OFD1: variants seen among roughly 807,000 people sequenced by gnomAD.
OFD1 encodes the protein OFD1 centriole and centriolar satellite protein, also known as centriole and centriolar satellite protein OFD1.
In OFD1, 12 loss-of-function variants were observed where a neutral mutation model predicts 81.4. The ratio of observed to expected loss-of-function variants is 0.15; its 90% CI spans 0.09 to 0.24. The LOEUF (loss-of-function observed/expected upper bound fraction) is 0.24. OFD1 is among the 10% of genes least tolerant of loss of function. The pLI, the probability that OFD1 is intolerant of heterozygous loss-of-function variation, is 1.00. For missense variants in OFD1, 685 were observed against 733.9 expected (o/e 0.93, Z 0.77); for synonymous variants, 256 against 263.7 (o/e 0.97, Z 0.28).
At position 13,749,551 on chromosome X, in the gene OFD1, A is replaced by G. The variant is rs2047426500; in HGVS notation, c.935+18A>G. 1 of 929,767 alleles carries G rather than the reference A, an allele frequency of 1.1e-6. No homozygotes were observed. Among genetic ancestry groups the G allele is most frequent in the Non-Finnish European group, 1.6e-6 (1 of 639,376 alleles). The allele number at this position is 929,767 out of a possible 1,213,427, so 76.6% of individuals were successfully genotyped here. A position where few individuals can be genotyped will look rare whatever the true frequency, so the allele number is the denominator to read the frequency against. On this transcript the variant is annotated intron_variant, in intron 9 of 22. Coordinates refer to ENST00000340096, the MANE Select transcript of OFD1 (RefSeq NM_003611.3). ...TTTGAATTGTAAGTAATGCATGTTC[A>G]TTTTGGATATTCAGAATGATGAGAT...
the OFD1 span, chrX:13,716,695 G>A: frequency 8.3e-7 from 1 of 1,209,085 alleles, no homozygotes; most frequent in Non-Finnish European, 1.1e-6. Flanking sequence ...GACAGTGTGA[G>A]CAACCACAGA....
rs1456742780 is a variant in OFD1 at position 13,755,195 on chromosome X, A to G, written c.1174A>G (p.Lys392Glu). Reference sequence around the variant, plus strand: ...AGAGGAGCTCATAGCTATTAATTCAAAAAAGGAGGAACTCAATCAATCTGT... The same window carrying G: ...AGAGGAGCTCATAGCTATTAATTCAGAAAAGGAGGAACTCAATCAATCTGT... ...LQEELIAINS[K>E]KEELNQSVNR... Residue 392 changes from lysine to glutamate, a missense_variant, in exon 12 of 23, where the codon AAA becomes GAA. Transcript: ENST00000340096. 4 of 1,207,201 alleles carry G rather than the reference A, an allele frequency of 3.3e-6. No individual in the cohort carries two copies. The South Asian group carries it at 5.3e-5, about 16-fold the overall frequency.
intron 4 of OFD1, 26 bp from the exon 5 acceptor site, chrX:13,738,976 A>C: frequency 8.4e-7 from 1 of 1,194,828 alleles, no homozygotes; most frequent in Non-Finnish European, 1.1e-6. Flanking sequence ...ATAGCTGAAT[A>C]AAAGTGAAAT....
the OFD1 span, among the ~76,000 whole-genome samples, chrX:13,722,903 A>T: frequency 2.7e-5 from 3 of 110,548 alleles, no homozygotes; most frequent in East Asian, 8.6e-4. Context: ...CTCTACTAAA[A>T]ATACAAAAAA....
At chrX:13,773,163 GCAGAGCTGT>G, downstream of OFD1, 1 of 487,567 alleles carries the variant, frequency 2.1e-6, no homozygotes, top group Non-Finnish European at 3.3e-6. Context: ...CGCTCTACTA[GCAGAGCTGT>G]CAGATCCTGA....
At chrX:13,722,208 C>CAAAAAAAAAAAAAAAAAAAA in the OFD1 span, 9 of 36,108 alleles carry the variant, frequency 2.5e-4, no homozygotes, top group Non-Finnish European at 3.6e-4. Context: ...TAAGCAGCAG[C>CAAAAAAAAAAAAAAAAAAAA]AAAAAAAAAA....
chrX:13,725,860 A>C, the OFD1 span, among the ~76,000 whole-genome samples: 1 of 111,883 alleles, frequency 8.9e-6, no homozygotes, highest in Non-Finnish European at 1.9e-5. Flanking sequence ...AAAAACCTTG[A>C]AAAAAGATTA....
At position 13,758,245 on chromosome X, in the gene OFD1, AAG is replaced by A. The variant is rs1473984102; in HGVS notation, c.1543-89_1543-88del. 90 of 622,372 alleles carry A rather than the reference AAG, an allele frequency of 1.4e-4. 1 individual carries two copies. The highest frequency in any genetic ancestry group is 1.3e-3 in the Middle Eastern group (3 of 2,274). 51.3% of individuals were successfully genotyped at this position (622,372 alleles called of 1,213,427 possible). On this transcript the variant is annotated intron_variant, in intron 14 of 22. Coordinates refer to ENST00000340096, the MANE Select transcript of OFD1 (RefSeq NM_003611.3). ...AGCTTCTTGGAATTGGCAGAACAAAAAGAGTACAAACATGATAAGAGAACTTT... is the reference window on the plus strand; with the variant it reads ...AGCTTCTTGGAATTGGCAGAACAAAAAGTACAAACATGATAAGAGAACTTT...
chrX:13,760,683 A>G lies in OFD1; in HGVS notation c.2223A>G (p.Lys741=), dbSNP rs1355239331. 5.0e-6 allele frequency: 6 copies of G among 1,209,653 alleles called. No homozygotes were observed. The Admixed American group carries it at 1.3e-4, about 26-fold the overall frequency. The change falls in exon 16 of 23, where the codon AAA becomes AAG. Residue 741 remains lysine, a synonymous_variant. Transcript: ENST00000340096. ...SRRLSSTPLP[K]AKRSLESEMY... ...GCCTCTCTTCCACACCCCTTCCAAA[A>G]GCAAAAAGAAGCCTCGAAAGTGAAA...
chrX:13,764,635 C>A (rs1047251382), intron 19 of OFD1, among the ~76,000 whole-genome samples: 1 of 112,196 alleles, frequency 8.9e-6, no homozygotes, highest in South Asian at 3.7e-4. Flanking sequence ...TTAGTCCCTC[C>A]CAAACGTTGG....
intron 11 of OFD1, among the ~76,000 whole-genome samples, chrX:13,754,273 G>A (rs776218026): frequency 5.3e-4 from 59 of 111,335 alleles, no homozygotes; most frequent in Non-Finnish European, 8.9e-4. Context: ...GAGCCACCAC[G>A]CCCGACCCAT....
chrX:13,756,455 C>G (rs980265649), intron 12 of OFD1, 123 bp from the exon 13 acceptor site: 3 of 505,890 alleles, frequency 5.9e-6, no homozygotes, highest in Non-Finnish European at 1.0e-5. Context: ...TGTAGAGAAT[C>G]AGACTTCTGT....
Position 13,762,369 on chromosome X carries a change from C to A in OFD1, c.2413C>A (p.Gln805Lys). ...TCTTTATCGAAGACAAACTGAACTT[C>A]AAGACAAAAGTGAATTTTCAGATGT... ...VGLYRRQTEL[Q>K]DKSEFSDVDK... Residue 805 changes from glutamine to lysine, a missense_variant, in exon 18 of 23, where the codon CAA (glutamine) becomes AAA (lysine). Physicochemically the swap from Gln to Lys is moderately conservative, Grantham distance 53 (BLOSUM62 1). This residue lies in a region of OFD1 where 259 missense variants were observed against 254.4 expected (regional missense o/e 1.02). Transcript: ENST00000340096. 1 of 1,199,826 alleles carries A rather than the reference C, an allele frequency of 8.3e-7. No homozygotes were observed. Among genetic ancestry groups the A allele is most frequent in the South Asian group, 1.8e-5 (1 of 56,696 alleles).
chrX:13,716,821 TATAAA>T, the OFD1 span: 3 of 567,620 alleles, frequency 5.3e-6, no homozygotes, highest in South Asian at 9.6e-5. Flanking sequence ...TCATGAGACT[TATAAA>T]AGATCTGTTT....
upstream of OFD1, among the ~76,000 whole-genome samples, chrX:13,731,270 T>C (rs1473269388): frequency 8.9e-6 from 1 of 112,149 alleles, no homozygotes; most frequent in Non-Finnish European, 1.9e-5. Flanking sequence ...TCTCCTAGTC[T>C]ATAACAGGGT....
chrX:13,760,794 C>T (rs1248284362), intron 16 of OFD1, 74 bp downstream of exon 16: 11 of 1,154,380 alleles, frequency 9.5e-6, no homozygotes, highest in South Asian at 1.8e-5. Context: ...ACAGGGTTGC[C>T]GTGAGGGTCA....
chrX:13,736,778 T>A, intron 3 of OFD1, 100 bp downstream of exon 3: 1 of 590,330 alleles, frequency 1.7e-6, no homozygotes, highest in Non-Finnish European at 2.9e-6. Context: ...CTCGACTAGG[T>A]CCATTTCTGT....
rs3216379 is a variant in OFD1 at position 13,765,671 on chromosome X, GA to G, written c.2600-1446del. Among the ~76,000 whole-genome samples the G allele has an allele frequency of 6.9e-4, 74 of 107,376 alleles. 1 individual carries two copies. The highest frequency in any genetic ancestry group is 2.0e-3 in the East Asian group (7 of 3,473). 93.2% of individuals were successfully genotyped at this position (107,376 alleles called of 115,157 possible). The stretch of plus-strand genomic sequence containing the variant: ...TCTACTTATTAGCATTGCTTGGGTT[GA>G]AAAAAAAAATGTAGGTTATGGGTCA... On this transcript the variant is annotated intron_variant, in intron 19 of 22. Coordinates refer to ENST00000340096, the MANE Select transcript of OFD1 (RefSeq NM_003611.3).
upstream of OFD1, among the ~76,000 whole-genome samples, chrX:13,733,885 T>C (rs1244376387): frequency 1.8e-5 from 2 of 111,812 alleles, no homozygotes; most frequent in Admixed American, 1.9e-4. Flanking sequence ...TCTGGATCAC[T>C]TCCATCTTCA....
Sources: allele counts gnomAD v4.1 joint callset (sites outside exome capture counted in the v4.1 genomes callset), GRCh38; gene constraint gnomAD v4.1.1; regional missense constraint gnomAD v4.1.1; transcripts MANE v1.5; gene names NCBI Gene and HGNC (gene_info 2026-07-23, HGNC 2026-07-21).